The following TNFAIP8L1 variants were observed in gnomAD, a reference collection of about 807,000 sequenced individuals.
The protein encoded by TNFAIP8L1 is tumor necrosis factor alpha-induced protein 8-like protein 1.
For missense variants in TNFAIP8L1, 225 were observed against 266.1 expected, an observed-to-expected ratio of 0.85 and a Z score of 1.08; for synonymous variants, 127 against 125.6, an observed-to-expected ratio of 1.01 and a Z score of -0.08.
intron 1 of TNFAIP8L1, among the ~76,000 whole-genome samples, chr19:4,644,523 C>T (rs1297475579): frequency 3.4e-5 from 5 of 148,418 alleles, no homozygotes; most frequent in African/African-American, 1.3e-4. Flanking sequence ...CCAGCCTGGG[C>T]AACAGAGTAA....
At chr19:4,650,462 T>C (rs2088351283) in intron 1 of TNFAIP8L1, among the ~76,000 whole-genome samples, 1 of 151,940 alleles carries the variant, frequency 6.6e-6, no homozygotes. Context: ...GTAAGGGCTA[T>C]GCCCTACTCT....
rs1460990598 is a variant in TNFAIP8L1, at chr19:4,645,035, TGA to T, written c.-4+5409_-4+5410del. Among the ~76,000 whole-genome samples, 1 of 152,146 alleles carries T rather than the reference TGA, an allele frequency of 6.6e-6. No homozygotes were observed. The highest frequency in any genetic ancestry group is 1.5e-5 in the Non-Finnish European group (1 of 68,028). ...CCCCCGGACTGAGTGCAGCCGGGGC[TGA>T]GACAAGACAGATGGAGCGGCTGGCG... is the stretch of plus-strand genomic sequence containing the variant. On this transcript the variant is annotated intron_variant, in intron 1 of 1. Transcript: ENST00000327473. The surrounding 1 kb of genome is among the most constrained non-coding windows in gnomAD (Gnocchi z 4.1).
chr19:4,644,544 T>TAA (rs144220806), intron 1 of TNFAIP8L1, among the ~76,000 whole-genome samples: 1 of 143,578 alleles, frequency 7.0e-6, no homozygotes, highest in African/African-American at 2.6e-5. Context: ...GACCTTGTCT[T>TAA]AAAAAAAAAA....
rs1474381565 is a variant in TNFAIP8L1 at position 4,652,494 on chromosome 19, G to A, written c.*64G>A. ...GGGCTCTCCTGCTGGGCGCGGGTGG[G>A]GTTTGTGGGTTTTTTTCCACCTCTT... On this transcript the variant is annotated 3_prime_UTR_variant, in exon 2 of 2. Coordinates refer to ENST00000327473, the MANE Select transcript of TNFAIP8L1 (RefSeq NM_152362.3). 1 of 1,421,786 alleles carries A rather than the reference G, an allele frequency of 7.0e-7. No homozygotes were observed. The highest frequency in any genetic ancestry group is 9.3e-7 in the Non-Finnish European group (1 of 1,076,168). The allele number at this position is 1,421,786 out of a possible 1,614,324, so 88.1% of individuals were successfully genotyped here.
Position 4,654,245 on chromosome 19 carries a change from G to T in TNFAIP8L1, c.*1815G>T, listed in dbSNP as rs1940482498. 1 of 152,294 alleles carries T rather than the reference G, an allele frequency of 6.6e-6. No homozygotes were observed. Among genetic ancestry groups the T allele is most frequent in the Non-Finnish European group, 1.5e-5 (1 of 68,082 alleles). The allele number at this position is 152,294 out of a possible 1,614,324, so 9.4% of individuals were successfully genotyped here. On this transcript the variant is annotated 3_prime_UTR_variant, in exon 2 of 2. Transcript: ENST00000327473. ...TGGAGACCTCTGCCCTGGGTCGGGA[G>T]GGGAAACTGCTCCAATCCAGGGACT...
Position 4,652,649 on chromosome 19 carries a change from A to G in TNFAIP8L1, c.*219A>G, listed in dbSNP as rs568089403. ...CACCTCTCCTCCTGGCCCCCGCCCA[A>G]TGGGGAGAGGAATTTGGGGCCCTAC... is the stretch of plus-strand genomic sequence containing the variant. On this transcript the variant is annotated 3_prime_UTR_variant, in exon 2 of 2. Transcript: ENST00000327473. 1.6e-5 allele frequency: 8 copies of G among 514,918 alleles called. No individual in the cohort carries two copies. The South Asian group carries it at 2.0e-4, about 13-fold the overall frequency. The allele number at this position is 514,918 out of a possible 1,614,324, so 31.9% of individuals were successfully genotyped here. A position where few individuals can be genotyped will look rare whatever the true frequency, so the allele number is the denominator to read the frequency against.
At chr19:4,647,824 C>T (rs370459611) in intron 1 of TNFAIP8L1, among the ~76,000 whole-genome samples, 1 of 151,628 alleles carries the variant, frequency 6.6e-6, no homozygotes, top group Admixed American at 6.6e-5. Context: ...GATGGGATCT[C>T]GCTATGTTGC....
chr19:4,647,973 G>A lies in TNFAIP8L1; in HGVS notation c.-3-3894G>A, dbSNP rs145096395. 3.1e-3 allele frequency among the ~76,000 whole-genome samples: 468 copies of A among 152,216 alleles called. 4 individuals are homozygous for A. The highest frequency in any genetic ancestry group is 0.01 in the African/African-American group (432 of 41,534). ...AGGCAGCTTGGGGTCTAGAAAGCCA[G>A]GGCCTTAGCAAGGCAGGGATGGGAT... On this transcript the variant is annotated intron_variant, in intron 1 of 1. Coordinates refer to ENST00000327473, the MANE Select transcript of TNFAIP8L1 (RefSeq NM_152362.3).
chr19:4,652,668 G>C lies in TNFAIP8L1; in HGVS notation c.*238G>C. On this transcript the variant is annotated 3_prime_UTR_variant, in exon 2 of 2. Coordinates refer to ENST00000327473, the MANE Select transcript of TNFAIP8L1 (RefSeq NM_152362.3). ...CGCCCAATGGGGAGAGGAATTTGGGGCCCTACTCTGGGGACCACCTTTCAC... is the reference window on the plus strand; with the variant it reads ...CGCCCAATGGGGAGAGGAATTTGGGCCCCTACTCTGGGGACCACCTTTCAC... 2.0e-6 allele frequency: 1 copy of C among 502,238 alleles called. No homozygotes were observed. The highest frequency in any genetic ancestry group is 4.1e-5 in the South Asian group (1 of 24,556). 31.1% of individuals were successfully genotyped at this position (502,238 alleles called of 1,614,324 possible).
chr19:4,640,174 A>T (rs1411262489), intron 1 of TNFAIP8L1: 2 of 152,174 alleles, frequency 1.3e-5, no homozygotes, highest in Non-Finnish European at 2.9e-5. Flanking sequence ...TTGGCAGGTG[A>T]TCTGAAGGAC....
rs1414055022 is a variant in TNFAIP8L1, at chr19:4,652,203, G to A, written c.334G>A (p.Asp112Asn). The change falls in exon 2 of 2, where the codon GAC becomes AAC. Residue 112 changes from aspartate to asparagine, a missense_variant. Physicochemically the swap from Asp to Asn is conservative, Grantham distance 23. Transcript: ENST00000327473. ...CTTCCACCAGGTGGACTTCACCTTC[G>A]ACCGGCGCGTGCTGGCCGCCGGGCT... Reference protein sequence around the residue: ...VSFHQVDFTFDRRVLAAGLLE... With the variant: ...VSFHQVDFTFNRRVLAAGLLE... The A allele has an allele frequency of 1.9e-6, 3 of 1,544,278 alleles. No individual in the cohort carries two copies. Among genetic ancestry groups the A allele is most frequent in the Non-Finnish European group, 2.6e-6 (3 of 1,146,818 alleles).
rs1286300265 is a variant in TNFAIP8L1, at chr19:4,652,770, A to T, written c.*340A>T. On this transcript the variant is annotated 3_prime_UTR_variant, in exon 2 of 2. Coordinates refer to ENST00000327473, the MANE Select transcript of TNFAIP8L1 (RefSeq NM_152362.3). ...CCAAAAGCTGCTGCCTCCCACTTGG[A>T]TCATGTCGCCTGGGATTTTCATCCC... 6.8e-6 allele frequency: 2 copies of T among 293,074 alleles called. No homozygotes were observed. Among genetic ancestry groups the T allele is most frequent in the Non-Finnish European group, 1.3e-5 (2 of 150,030 alleles). The allele number at this position is 293,074 out of a possible 1,614,324, so 18.2% of individuals were successfully genotyped here.
chr19:4,647,626 T>TTTTTTTTTTTTTTTG (rs2088324071), intron 1 of TNFAIP8L1, among the ~76,000 whole-genome samples: 1 of 145,572 alleles, frequency 6.9e-6, no homozygotes. Flanking sequence ...TTTTTTTTTT[T>TTTTTTTTTTTTTTTG]TTTTTTTCCT....
rs2088376533 is a variant in TNFAIP8L1, at chr19:4,652,333, T to A, written c.464T>A (p.Phe155Tyr). ...TTCGGCCACCTAGCCGACTGCGACTTCCTGGCTGCGCTCTACGGCCCCGCC... is the reference window on the plus strand; with the variant it reads ...TTCGGCCACCTAGCCGACTGCGACTACCTGGCTGCGCTCTACGGCCCCGCC... ...HVFGHLADCD[F>Y]LAALYGPAEP... is the part of the protein sequence containing the mutation. Residue 155 changes from phenylalanine (F) to tyrosine (Y), a missense_variant, in exon 2 of 2, where the codon TTC becomes TAC. Physicochemically the swap from Phe to Tyr is conservative, Grantham distance 22. Coordinates refer to ENST00000327473, the MANE Select transcript of TNFAIP8L1 (RefSeq NM_152362.3). The A allele has an allele frequency of 2.6e-6, 4 of 1,554,796 alleles. No homozygotes were observed. Among genetic ancestry groups the A allele is most frequent in the Non-Finnish European group, 3.5e-6 (4 of 1,151,776 alleles).
At chr19:4,648,060 T>C (rs2088328539) in intron 1 of TNFAIP8L1, among the ~76,000 whole-genome samples, 1 of 152,218 alleles carries the variant, frequency 6.6e-6, no homozygotes, top group Non-Finnish European at 1.5e-5. Flanking sequence ...GCAGGCAACC[T>C]GGCCAGTACC....
Position 4,654,781 on chromosome 19 carries a change from G to A in TNFAIP8L1, c.*2351G>A, listed in dbSNP as rs1327189904. The A allele has an allele frequency of 6.6e-6, 1 of 152,220 alleles. No individual in the cohort carries two copies. The highest frequency in any genetic ancestry group is 2.4e-5 in the African/African-American group (1 of 41,448). The allele number at this position is 152,220 out of a possible 1,614,324, so 9.4% of individuals were successfully genotyped here. ...CAGGGCGTGGAGGCGTGGTGTGGGG[G>A]AGTCTATTTGCCATTTTTGTTTGTC... On this transcript the variant is annotated 3_prime_UTR_variant, in exon 2 of 2. Coordinates refer to ENST00000327473, the MANE Select transcript of TNFAIP8L1 (RefSeq NM_152362.3).
Position 4,652,172 on chromosome 19 carries a change from C to T in TNFAIP8L1, c.303C>T (p.Ala101=), listed in dbSNP as rs566967802. ...GGGCGCGCTGCCTGGCCATGACGGC[C>T]GTCAGCTTCCACCAGGTGGACTTCA... ...RHRARCLAMT[A]VSFHQVDFTF... is the part of the protein sequence containing the mutation. The change falls in exon 2 of 2, where the codon GCC becomes GCT. Residue 101 remains alanine, a synonymous_variant. Transcript: ENST00000327473. The T allele has an allele frequency of 6.4e-6, 10 of 1,550,778 alleles. No homozygotes were observed. Among genetic ancestry groups the T allele is most frequent in the South Asian group, 1.2e-5 (1 of 85,064 alleles).
At chr19:4,651,675 C>G (rs1031080312) in intron 1 of TNFAIP8L1, among the ~76,000 whole-genome samples, 192 bp from the exon 2 acceptor site, 1 of 152,218 alleles carries the variant, frequency 6.6e-6, no homozygotes, top group Non-Finnish European at 1.5e-5. Flanking sequence ...CTCCTAACCT[C>G]GATCTCAGGC....
rs1049434870 is a variant in TNFAIP8L1 at position 4,652,538 on chromosome 19, G to A, written c.*108G>A. ...ACCTCTTTTCTCCCAATCGGACTCCGGCCAAACTCCCCTAGACAGATGGGT... is the reference window on the plus strand; with the variant it reads ...ACCTCTTTTCTCCCAATCGGACTCCAGCCAAACTCCCCTAGACAGATGGGT... On this transcript the variant is annotated 3_prime_UTR_variant, in exon 2 of 2. Coordinates refer to ENST00000327473, the MANE Select transcript of TNFAIP8L1 (RefSeq NM_152362.3). 4.4e-6 allele frequency: 5 copies of A among 1,127,256 alleles called. No homozygotes were observed. Among genetic ancestry groups the A allele is most frequent in the Non-Finnish European group, 6.2e-6 (5 of 808,284 alleles). The allele number at this position is 1,127,256 out of a possible 1,614,324, so 69.8% of individuals were successfully genotyped here.
Sources: allele counts gnomAD v4.1 joint callset (sites outside exome capture counted in the v4.1 genomes callset), GRCh38; gene constraint gnomAD v4.1.1; non-coding constraint Gnocchi (gnomAD v3.1); transcripts MANE v1.5; gene names NCBI Gene and HGNC (gene_info 2026-07-23, HGNC 2026-07-21).